Variants in LARGE1 observed in about 807,000 individuals in gnomAD.
LARGE1 encodes LARGE xylosyl- and glucuronyltransferase 1, also known as xylosyl- and glucuronyltransferase LARGE1.
LARGE1 carries 43 observed loss-of-function variants against 87.6 expected under a neutral mutation model. The observed-to-expected ratio is 0.49, with a 90% CI of 0.38 to 0.63. The LOEUF (loss-of-function observed/expected upper bound fraction) is 0.63, where lower values mean the gene tolerates loss of function less well. Ranked by LOEUF, LARGE1 falls within the 30% of genes least tolerant of loss-of-function variation. LARGE1 has a pLI of 0.00. For synonymous variants in LARGE1, 434 were observed against 394.6 expected (o/e 1.10, Z -1.18); for missense variants, 802 against 1,000.2 (o/e 0.80, Z 2.67).
chr22:33,814,063 G>C (rs571707629), intron 1 of LARGE1, among the ~76,000 whole-genome samples: 11 of 152,092 alleles, frequency 7.2e-5, no homozygotes, highest in Non-Finnish European at 1.6e-4. Context: ...GACATGCTGA[G>C]GCCAAGAGTG....
rs146220301 is a variant in LARGE1 at position 33,325,864 on chromosome 22, T to C, written c.1288-9616A>G. On this transcript the variant is annotated intron_variant, in intron 10 of 14. Coordinates refer to ENST00000397394, the MANE Select transcript of LARGE1 (RefSeq NM_133642.5). ...TTTTTACTCCTCCCCAGCGCTTGCA[T>C]GAGACAGGCAAGGCTGCCCTTAGGG... 2.6e-4 allele frequency among the ~76,000 whole-genome samples: 40 copies of C among 152,320 alleles called. No individual in the cohort carries two copies. The East Asian group carries it at 6.2e-3, about 24-fold the overall frequency.
intron 6 of LARGE1, among the ~76,000 whole-genome samples, chr22:33,488,841 C>T (rs945499471): frequency 3.9e-5 from 6 of 152,216 alleles, no homozygotes; most frequent in Non-Finnish European, 7.3e-5. Flanking sequence ...CTCTCTAAAT[C>T]TCCCTGGGGC....
chr22:33,775,734 C>T (rs2085213537), intron 1 of LARGE1, among the ~76,000 whole-genome samples: 1 of 151,960 alleles, frequency 6.6e-6, no homozygotes. Context: ...TGCCTGTAAT[C>T]CCAGTTACTG....
chr22:33,874,175 A>G (rs16985375), intron 1 of LARGE1, among the ~76,000 whole-genome samples: 38,763 of 152,114 alleles, frequency 0.25, 5,655 homozygotes, highest in Admixed American at 0.35. Context: ...GTCCTTTGTG[A>G]CAGCCTGACT....
chr22:33,182,498 T>C (rs899314538), intron 11 of LARGE1, among the ~76,000 whole-genome samples: 6 of 152,102 alleles, frequency 3.9e-5, no homozygotes, highest in African/African-American at 9.7e-5. Context: ...TTTTAAAAAA[T>C]AGTGTCAGAC....
intron 11 of LARGE1, among the ~76,000 whole-genome samples, chr22:33,171,853 G>A (rs1332670202): frequency 1.8e-4 from 27 of 152,216 alleles, no homozygotes; most frequent in Admixed American, 1.8e-3. Context: ...GTCCCCACTG[G>A]GGCACTGCCT....
chr22:33,423,468 G>C (rs1229402469), intron 7 of LARGE1, among the ~76,000 whole-genome samples: 2 of 151,822 alleles, frequency 1.3e-5, no homozygotes, highest in Non-Finnish European at 2.9e-5. Context: ...CTTGAGGTCA[G>C]GAGTATGAGA....
chr22:33,778,163 A>G (rs1354108453), intron 1 of LARGE1, among the ~76,000 whole-genome samples: 1 of 152,218 alleles, frequency 6.6e-6, no homozygotes, highest in Non-Finnish European at 1.5e-5. Context: ...CAGGTCACAG[A>G]AAAAGTCTCT....
At chr22:33,720,563 C>T (rs985660361) in intron 2 of LARGE1, among the ~76,000 whole-genome samples, 4 of 152,190 alleles carry the variant, frequency 2.6e-5, no homozygotes, top group African/African-American at 9.7e-5. Context: ...CATGACTATA[C>T]TACAAAAGTA....
chr22:33,208,636 A>G (rs1924807943), intron 11 of LARGE1, among the ~76,000 whole-genome samples: 1 of 151,854 alleles, frequency 6.6e-6, no homozygotes, highest in East Asian at 1.9e-4. Context: ...GGTTTGTTAC[A>G]TAGGTATACA....
chr22:33,089,371 C>CTTCTTCTTCTTCTTCTTCTTCTCCTCCTT, the LARGE1 span, among the ~76,000 whole-genome samples: 1 of 76,044 alleles, frequency 1.3e-5, no homozygotes, highest in Non-Finnish European at 2.6e-5. Flanking sequence ...TTCTTCTTCT[C>CTTCTTCTTCTTCTTCTTCTTCTCCTCCTT]CTTCTTCTTC....
chr22:33,394,803 G>T (rs996193003), intron 7 of LARGE1, among the ~76,000 whole-genome samples: 1 of 151,378 alleles, frequency 6.6e-6, no homozygotes, highest in Non-Finnish European at 1.5e-5. Context: ...CTGAATCAGG[G>T]GTCTAAAGCC....
At chr22:33,209,121 G>A (rs7285709) in intron 11 of LARGE1, among the ~76,000 whole-genome samples, 1 of 152,158 alleles carries the variant, frequency 6.6e-6, no homozygotes, top group East Asian at 1.9e-4. Flanking sequence ...GGCATTTCTG[G>A]TTCTAAATCC....
intron 11 of LARGE1, among the ~76,000 whole-genome samples, chr22:33,193,890 AT>A (rs901165380): frequency 6.8e-6 from 1 of 147,698 alleles, no homozygotes; most frequent in African/African-American, 2.5e-5. Flanking sequence ...TGTTTTATAT[AT>A]TATATATGTT....
chr22:33,504,923 G>A (rs543692184), intron 6 of LARGE1, among the ~76,000 whole-genome samples: 10 of 152,366 alleles, frequency 6.6e-5, no homozygotes, highest in Non-Finnish European at 1.5e-4. Context: ...TATTGCTAAA[G>A]TGTATAGCAT....
intron 8 of LARGE1, among the ~76,000 whole-genome samples, chr22:33,383,074 G>A (rs2065210101): frequency 6.6e-6 from 1 of 152,160 alleles, no homozygotes; most frequent in Non-Finnish European, 1.5e-5. Context: ...CATGCAGAGT[G>A]AGCTGGCTCT....
At chr22:33,275,729 T>C (rs529845898) in intron 14 of LARGE1, among the ~76,000 whole-genome samples, 1 of 152,260 alleles carries the variant, frequency 6.6e-6, no homozygotes, top group South Asian at 2.1e-4. Flanking sequence ...AAAGAAAATA[T>C]GCAACGTATT....
At chr22:33,682,724 G>C (rs2081815246) in intron 2 of LARGE1, among the ~76,000 whole-genome samples, 1 of 152,210 alleles carries the variant, frequency 6.6e-6, no homozygotes, top group Non-Finnish European at 1.5e-5. Flanking sequence ...GGCTGGCATA[G>C]AGTAAAAACT....
At chr22:33,522,327 G>A (rs1484110684) in intron 6 of LARGE1, among the ~76,000 whole-genome samples, 1 of 152,144 alleles carries the variant, frequency 6.6e-6, no homozygotes, top group East Asian at 1.9e-4. Context: ...AGTTCACAGG[G>A]GATGTGCTCA....
Sources: allele counts gnomAD v4.1 joint callset (sites outside exome capture counted in the v4.1 genomes callset), GRCh38; gene constraint gnomAD v4.1.1; transcripts MANE v1.5; gene names NCBI Gene and HGNC (gene_info 2026-07-23, HGNC 2026-07-21).